FRMD3: variants seen among roughly 807,000 people sequenced by gnomAD.
FRMD3 encodes FERM domain containing 3, also known as FERM domain-containing protein 3.
In FRMD3, 33 loss-of-function variants were observed where a neutral mutation model predicts 70.2. That is an observed-to-expected ratio of 0.47 (90% CI 0.36 to 0.63). FRMD3 has a LOEUF of 0.63. Among genes scored for constraint, FRMD3 ranks in the 20% least tolerant of loss-of-function variants. The pLI, the probability that FRMD3 is intolerant of heterozygous loss-of-function variation, is 0.00. For missense variants in FRMD3, 632 were observed against 711.4 expected, an observed-to-expected ratio of 0.89 and a Z score of 1.27; for synonymous variants, 279 against 255.9, an observed-to-expected ratio of 1.09 and a Z score of -0.86.
chr9:83,430,590 C>CT (rs565253167), intron 1 of FRMD3, among the ~76,000 whole-genome samples: 4 of 151,930 alleles, frequency 2.6e-5, no homozygotes, highest in South Asian at 4.2e-4. Flanking sequence ...AAAAGAAAAA[C>CT]TTTTTTTTCA....
At chr9:83,485,011 G>A (rs546774839) in intron 1 of FRMD3, among the ~76,000 whole-genome samples, 2 of 152,200 alleles carry the variant, frequency 1.3e-5, no homozygotes, top group East Asian at 1.9e-4. Flanking sequence ...GAGGTCTATC[G>A]TAATTCTGTC....
chr9:83,293,705 G>A (rs528199461), intron 12 of FRMD3, among the ~76,000 whole-genome samples: 9 of 152,272 alleles, frequency 5.9e-5, no homozygotes, highest in Middle Eastern at 3.4e-3. Context: ...ATGCCAGCTC[G>A]GCCCCTACAT....
chr9:83,561,271 A>T, the FRMD3 span, among the ~76,000 whole-genome samples: 5 of 152,224 alleles, frequency 3.3e-5, no homozygotes, highest in Admixed American at 1.3e-4. Context: ...AAAAGCTTCT[A>T]ACATGTGTGA....
chr9:83,305,637 G>A (rs1209508942), intron 10 of FRMD3, among the ~76,000 whole-genome samples: 1 of 152,204 alleles, frequency 6.6e-6, no homozygotes, highest in Non-Finnish European at 1.5e-5. Context: ...AAAGTGACCT[G>A]GCCAAGGTCC....
chr9:83,249,272 T>C (rs1384009170), intron 13 of FRMD3, among the ~76,000 whole-genome samples: 1 of 152,160 alleles, frequency 6.6e-6, no homozygotes, highest in Non-Finnish European at 1.5e-5. Context: ...AGAAGGGAAA[T>C]TGCTTAATCA....
At chr9:83,332,730 G>A (rs968779896) in intron 6 of FRMD3, among the ~76,000 whole-genome samples, 3 of 152,168 alleles carry the variant, frequency 2.0e-5, no homozygotes, top group African/African-American at 7.2e-5. Flanking sequence ...GAAGAAGGAG[G>A]TTATTTATTG....
chr9:83,268,996 T>C (rs777339593), intron 13 of FRMD3, among the ~76,000 whole-genome samples: 3 of 152,244 alleles, frequency 2.0e-5, no homozygotes, highest in African/African-American at 4.8e-5. Context: ...CCAGGACTAG[T>C]ACCTACTACA....
At chr9:83,439,162 A>C (rs1409148902) in intron 1 of FRMD3, among the ~76,000 whole-genome samples, 3 of 152,190 alleles carry the variant, frequency 2.0e-5, no homozygotes, top group African/African-American at 7.2e-5. Flanking sequence ...TTCGCTTAAC[A>C]CTTGATGAAC....
intron 1 of FRMD3, among the ~76,000 whole-genome samples, chr9:83,416,762 TCTCTCTCTCTCTCTCTCTCTCTCTCA>T (rs1383311995): frequency 8.7e-6 from 1 of 114,862 alleles, no homozygotes; most frequent in African/African-American, 3.8e-5. Flanking sequence ...TCTCTCTCTC[TCTCTCTCTCTCTCTCTCTCTCTCTCA>T]CTCTCTCTCT....
chr9:83,305,413 C>T (rs1393581295), intron 10 of FRMD3, among the ~76,000 whole-genome samples: 3 of 152,184 alleles, frequency 2.0e-5, no homozygotes, highest in Admixed American at 2.0e-4. Flanking sequence ...AATCTCATTT[C>T]ACAGATGAAA....
At chr9:83,449,701 T>C (rs1827585479) in intron 1 of FRMD3, among the ~76,000 whole-genome samples, 1 of 152,182 alleles carries the variant, frequency 6.6e-6, no homozygotes, top group African/African-American at 2.4e-5. Flanking sequence ...GATGCAGAGG[T>C]ATCTCAGCTC....
intron 13 of FRMD3, among the ~76,000 whole-genome samples, chr9:83,285,733 G>A (rs1004860317): frequency 4.6e-5 from 7 of 152,084 alleles, no homozygotes; most frequent in African/African-American, 1.7e-4. Context: ...TCCACTATGG[G>A]GAACCTGCTC....
chr9:83,266,520 A>T (rs1833263404), intron 13 of FRMD3, among the ~76,000 whole-genome samples: 1 of 152,240 alleles, frequency 6.6e-6, no homozygotes, highest in African/African-American at 2.4e-5. Flanking sequence ...GGAAATTGGC[A>T]GAAGGTCAGT....
chr9:83,357,238 AATACATACATATATATATATATAT>A (rs1193868801), intron 3 of FRMD3, among the ~76,000 whole-genome samples: 1 of 3,980 alleles, frequency 2.5e-4, no homozygotes, highest in African/African-American at 7.5e-4. Context: ...ATATATATAT[AATACATACATATATATATATATAT>A]ATATATATAT....
chr9:83,413,457 G>A (rs1826336180), intron 1 of FRMD3, among the ~76,000 whole-genome samples: 1 of 152,216 alleles, frequency 6.6e-6, no homozygotes. Context: ...CCGGGCCCCT[G>A]AATGTCACAA....
chr9:83,523,438 G>T (rs761833297), intron 1 of FRMD3, among the ~76,000 whole-genome samples: 7 of 151,942 alleles, frequency 4.6e-5, no homozygotes, highest in Admixed American at 3.9e-4. Flanking sequence ...ATAACACCAA[G>T]AAAATGTTTT....
chr9:83,317,043 AT>A (rs1001505777), intron 6 of FRMD3, among the ~76,000 whole-genome samples: 2 of 151,798 alleles, frequency 1.3e-5, no homozygotes, highest in Middle Eastern at 3.4e-3. Context: ...TTCTAAAAAA[AT>A]TTTTTTTTAA....
chr9:83,406,478 G>A (rs1826106819), intron 1 of FRMD3, among the ~76,000 whole-genome samples: 2 of 152,204 alleles, frequency 1.3e-5, no homozygotes, highest in Admixed American at 6.5e-5. Context: ...AAAGATTCCA[G>A]CTAGGGCTCT....
At chr9:83,514,697 A>T (rs1169836661) in intron 1 of FRMD3, among the ~76,000 whole-genome samples, 2 of 152,196 alleles carry the variant, frequency 1.3e-5, no homozygotes, top group African/African-American at 4.8e-5. Context: ...GTTGACAGAC[A>T]TCCCATACAG....
Sources: gnomAD v4.1 joint callset for allele counts (sites outside exome capture counted in the v4.1 genomes callset) on GRCh38, gnomAD v4.1.1 for gene constraint, MANE v1.5 for transcripts, NCBI Gene and HGNC (gene_info 2026-07-23, HGNC 2026-07-21) for gene names.